Variants in TGFBR2 observed in about 807,000 individuals in gnomAD.
TGFBR2 encodes transforming growth factor beta receptor 2.
Under a neutral mutation model 49.0 loss-of-function variants are expected in TGFBR2, and 18 were observed. The ratio of observed to expected loss-of-function variants is 0.37; its 90% CI spans 0.25 to 0.54. TGFBR2 has a LOEUF of 0.54. Ranked by LOEUF, TGFBR2 falls within the 20% of genes least tolerant of loss-of-function variation. TGFBR2 has a pLI of 0.85. For synonymous variants in TGFBR2, 282 were observed against 275.9 expected (o/e 1.02, Z -0.22); for missense variants, 525 against 722.6 (o/e 0.73, Z 3.13).
intron 1 of TGFBR2, among the ~76,000 whole-genome samples, chr3:30,638,982 A>C (rs1373261851): frequency 6.6e-6 from 1 of 152,132 alleles, no homozygotes; most frequent in African/African-American, 2.4e-5. Context: ...CATGTCTTTC[A>C]ATTCTGGGCC....
At chr3:30,652,439 C>T (rs1279468163) in intron 3 of TGFBR2, among the ~76,000 whole-genome samples, 2 of 151,774 alleles carry the variant, frequency 1.3e-5, no homozygotes, top group Admixed American at 6.6e-5. Flanking sequence ...TCACCATGTT[C>T]GTCAGTCTGG....
chr3:30,647,015 T>A (rs1698754439), intron 2 of TGFBR2, among the ~76,000 whole-genome samples: 1 of 152,152 alleles, frequency 6.6e-6, no homozygotes, highest in South Asian at 2.1e-4. Context: ...AAGAAAATTC[T>A]CCCGTGAAGC....
chr3:30,628,999 G>A (rs553090137), intron 1 of TGFBR2, among the ~76,000 whole-genome samples: 2 of 152,226 alleles, frequency 1.3e-5, no homozygotes, highest in African/African-American at 4.8e-5. Flanking sequence ...CAGCAGTCAG[G>A]GCCCTTTCCA....
intron 1 of TGFBR2, among the ~76,000 whole-genome samples, chr3:30,617,348 G>A (rs562241851): frequency 5.3e-5 from 8 of 152,010 alleles, no homozygotes; most frequent in Non-Finnish European, 8.8e-5. Context: ...TCGGATTTGC[G>A]TCTCATTCTC....
At chr3:30,638,644 C>A (rs79943363) in intron 1 of TGFBR2, among the ~76,000 whole-genome samples, 5,092 of 152,318 alleles carry the variant, frequency 0.033, 307 homozygotes, top group African/African-American at 0.12. Context: ...GCAAAAAGAA[C>A]TATTCCTAAA....
intron 1 of TGFBR2, among the ~76,000 whole-genome samples, chr3:30,619,314 G>T (rs143902251): frequency 6.6e-6 from 1 of 152,148 alleles, no homozygotes; most frequent in South Asian, 2.1e-4. Context: ...GACACCCTTT[G>T]TTCTTTCTCT....
At chr3:30,631,810 A>C (rs1698443161) in intron 1 of TGFBR2, among the ~76,000 whole-genome samples, 1 of 152,026 alleles carries the variant, frequency 6.6e-6, no homozygotes, top group Non-Finnish European at 1.5e-5. Flanking sequence ...GACTGGTTGG[A>C]GAACAGGCAC....
intron 2 of TGFBR2, 78 bp downstream of exon 2, chr3:30,644,993 G>A (rs2125404997): frequency 7.5e-7 from 1 of 1,325,180 alleles, no homozygotes; most frequent in Non-Finnish European, 1.1e-6. Flanking sequence ...CACAGTCAGT[G>A]TATCTCTGTC....
chr3:30,658,304 AC>A (rs1699046429), intron 3 of TGFBR2, among the ~76,000 whole-genome samples: 1 of 152,220 alleles, frequency 6.6e-6, no homozygotes, highest in East Asian at 1.9e-4. Flanking sequence ...ACTCTTGCTT[AC>A]CAGTTTTTAC....
At position 30,641,982 on chromosome 3, in the gene TGFBR2, T is replaced by G. The variant is rs1184876442; in HGVS notation, c.95-2765T>G. On this transcript the variant is annotated intron_variant, in intron 1 of 6. Coordinates refer to ENST00000295754, the MANE Select transcript of TGFBR2 (RefSeq NM_003242.6). ...TTTCTTCTAATGGTCCTTTTTTCTT[T>G]TCCCTGTTGATTGTGTTCTGCAAGC... 6.6e-5 allele frequency among the ~76,000 whole-genome samples: 10 copies of G among 152,212 alleles called. No individual in the cohort carries two copies. In the East Asian group the frequency reaches 1.9e-3, roughly 29 times the overall value.
In TGFBR2 at chr3:30,677,787, G is replaced by A. The variant is rs1333979289; in HGVS notation, c.1396+3541G>A. On this transcript the variant is annotated intron_variant, in intron 5 of 6. Transcript: ENST00000295754. ...TGTAGAAACACAGATGGAAGGACAG[G>A]TTTTGACCTCAAGAAGCTTGTAGTC... 2.6e-5 allele frequency among the ~76,000 whole-genome samples: 4 copies of A among 152,172 alleles called. No individual in the cohort carries two copies. The South Asian group carries it at 8.3e-4, about 31-fold the overall frequency.
chr3:30,628,835 A>T (rs1387798216), intron 1 of TGFBR2, among the ~76,000 whole-genome samples: 2 of 152,068 alleles, frequency 1.3e-5, no homozygotes, highest in African/African-American at 2.4e-5. Context: ...GCTGCCACTC[A>T]TAGCTAACGT....
In TGFBR2 at chr3:30,648,461, C is replaced by A. The variant is rs539951497; in HGVS notation, c.264-1809C>A. ...ACACACACACACACACACACACACA[C>A]AAAACTGTGGGGGCAGGGAGGAAGG... On this transcript the variant is annotated intron_variant, in intron 2 of 6. Transcript: ENST00000295754. 1.1e-4 allele frequency among the ~76,000 whole-genome samples: 9 copies of A among 79,202 alleles called. 1 individual carries two copies. The highest frequency in any genetic ancestry group is 2.2e-4 in the Non-Finnish European group (8 of 36,354). 52.0% of individuals were successfully genotyped at this position (79,202 alleles called of 152,430 possible). A position where few individuals can be genotyped will look rare whatever the true frequency, so the allele number is the denominator to read the frequency against.
intron 5 of TGFBR2, among the ~76,000 whole-genome samples, chr3:30,674,686 CATT>C (rs1233828986): frequency 6.6e-6 from 1 of 151,676 alleles, no homozygotes; most frequent in Non-Finnish European, 1.5e-5. Context: ...ATGGACATGA[CATT>C]GTTTTATTGG....
At chr3:30,627,716 C>CA (rs1698359659) in intron 1 of TGFBR2, among the ~76,000 whole-genome samples, 2 of 151,820 alleles carry the variant, frequency 1.3e-5, no homozygotes, top group Admixed American at 1.3e-4. Context: ...TTCTATTGAA[C>CA]AGTGGGTCTG....
At chr3:30,621,894 G>T (rs187715221) in intron 1 of TGFBR2, among the ~76,000 whole-genome samples, 187 of 152,308 alleles carry the variant, frequency 1.2e-3, no homozygotes, top group Non-Finnish European at 1.9e-3. Context: ...TGCTGCAGCC[G>T]TAGTTAGCCC....
At chr3:30,678,744 G>C (rs545798218) in intron 5 of TGFBR2, among the ~76,000 whole-genome samples, 1 of 152,182 alleles carries the variant, frequency 6.6e-6, no homozygotes, top group South Asian at 2.1e-4. Flanking sequence ...ACCCCATCCT[G>C]TACTGAGAGA....
At chr3:30,619,628 C>T (rs1425594773) in intron 1 of TGFBR2, among the ~76,000 whole-genome samples, 1 of 152,138 alleles carries the variant, frequency 6.6e-6, no homozygotes, top group Non-Finnish European at 1.5e-5. Flanking sequence ...AGCTGCCTCA[C>T]ACATCCTTTT....
intron 1 of TGFBR2, among the ~76,000 whole-genome samples, chr3:30,622,099 A>G (rs1698241307): frequency 6.6e-6 from 1 of 152,210 alleles, no homozygotes; most frequent in Non-Finnish European, 1.5e-5. Context: ...ACAATGCTTG[A>G]CCTCTGATAC....
Sources: allele counts gnomAD v4.1 joint callset (sites outside exome capture counted in the v4.1 genomes callset), GRCh38; gene constraint gnomAD v4.1.1; transcripts MANE v1.5; gene names NCBI Gene and HGNC (gene_info 2026-07-23, HGNC 2026-07-21).